Variants in IRAK3 observed in about 807,000 individuals in gnomAD.
IRAK3 encodes the protein interleukin 1 receptor associated kinase 3.
In IRAK3, 57 loss-of-function variants were observed where a neutral mutation model predicts 56.6. The observed-to-expected ratio is 1.01, with a 90% CI of 0.81 to 1.26. The LOEUF (loss-of-function observed/expected upper bound fraction) is 1.26. Among genes scored for constraint, IRAK3 ranks in the 50% most tolerant of loss-of-function variants. The pLI is 0.00. For missense variants in IRAK3, 703 were observed against 719.0 expected, an observed-to-expected ratio of 0.98 and a Z score of 0.25; for synonymous variants, 258 against 255.7, an observed-to-expected ratio of 1.01 and a Z score of -0.09.
At chr12:66,203,436 T>C (rs2052527721) in intron 1 of IRAK3, among the ~76,000 whole-genome samples, 1 of 152,110 alleles carries the variant, frequency 6.6e-6, no homozygotes, top group East Asian at 1.9e-4. Flanking sequence ...CTGGATAGGA[T>C]CTTAGAACAG....
intron 6 of IRAK3, among the ~76,000 whole-genome samples, chr12:66,226,168 T>C (rs1194906102): frequency 1.3e-5 from 2 of 152,168 alleles, no homozygotes; most frequent in Non-Finnish European, 2.9e-5. Context: ...TTTTCTGCCT[T>C]ATATTTGGAT....
In IRAK3 at chr12:66,209,527, T is replaced by C; in HGVS notation, c.381+7T>C. 1.3e-6 allele frequency: 2 copies of C among 1,511,394 alleles called. No homozygotes were observed. The allele number at this position is 1,511,394 out of a possible 1,614,324, so 93.6% of individuals were successfully genotyped here. The stretch of plus-strand genomic sequence containing the variant: ...TCCAAATATATTATTCAAGGTAGAG[T>C]ATGTGTGCATAGAAAATGAGCCTTG... On this transcript the variant is annotated splice_region_variant and intron_variant, in intron 3 of 11. Coordinates refer to ENST00000261233, the MANE Select transcript of IRAK3 (RefSeq NM_007199.3).
chr12:66,220,665 C>A (rs867782844), intron 6 of IRAK3, among the ~76,000 whole-genome samples: 1 of 149,980 alleles, frequency 6.7e-6, no homozygotes, highest in African/African-American at 2.4e-5. Context: ...GGACTACAGG[C>A]GCCCGCCACT....
intron 7 of IRAK3, 141 bp downstream of exon 7, chr12:66,226,978 ACTT>A: frequency 2.9e-6 from 2 of 687,188 alleles, no homozygotes; most frequent in Non-Finnish European, 5.3e-6. Flanking sequence ...AGGAAGCAGT[ACTT>A]CTTGGATTAA....
Position 66,250,833 on chromosome 12 carries a change from G to A in IRAK3, c.*2662G>A, listed in dbSNP as rs12315489. 6.6e-6 allele frequency: 1 copy of A among 152,116 alleles called. No individual in the cohort carries two copies. The highest frequency in any genetic ancestry group is 2.4e-5 in the African/African-American group (1 of 41,372). 9.4% of individuals were successfully genotyped at this position (152,116 alleles called of 1,614,324 possible). ...GCTGGTTAAAAACGCAGATTGCTGG[G>A]TCCACCCAGCTTCTGATGCAATAGG... On this transcript the variant is annotated 3_prime_UTR_variant, in exon 12 of 12. Transcript: ENST00000261233.
At position 66,210,217 on chromosome 12, in the gene IRAK3, T is replaced by C. The variant is rs760696992; in HGVS notation, c.436+16T>C. 1 of 1,532,196 alleles carries C rather than the reference T, an allele frequency of 6.5e-7. No individual in the cohort carries two copies. Among genetic ancestry groups the C allele is most frequent in the Admixed American group, 1.7e-5 (1 of 59,636 alleles). The allele number at this position is 1,532,196 out of a possible 1,614,324, so 94.9% of individuals were successfully genotyped here. A position where few individuals can be genotyped will look rare whatever the true frequency, so the allele number is the denominator to read the frequency against. On this transcript the variant is annotated intron_variant, in intron 4 of 11. Coordinates refer to ENST00000261233, the MANE Select transcript of IRAK3 (RefSeq NM_007199.3). ...AATGAAAAAGGTATGAAAAAACCAG[T>C]TTTTTTCCAACAATTTTTTTAAAAT... is the stretch of plus-strand genomic sequence containing the variant.
At chr12:66,209,427 G>GT in intron 2 of IRAK3, 29 bp from the exon 3 acceptor site, 1 of 1,473,408 alleles carries the variant, frequency 6.8e-7, no homozygotes, top group Non-Finnish European at 9.5e-7. Context: ...AAATTTTTTT[G>GT]TATCTACCTT....
intron 1 of IRAK3, among the ~76,000 whole-genome samples, chr12:66,192,322 A>G (rs1310736195): frequency 1.3e-5 from 2 of 152,248 alleles, no homozygotes; most frequent in African/African-American, 4.8e-5. Context: ...TAATCACAAG[A>G]TAATATATTC....
intron 5 of IRAK3, among the ~76,000 whole-genome samples, chr12:66,214,400 G>T (rs146014206): frequency 1.3e-5 from 2 of 152,014 alleles, no homozygotes; most frequent in African/African-American, 4.8e-5. Flanking sequence ...AAATAGCTGG[G>T]TGTGGTGGTG....
chr12:66,206,544 A>T (rs2052559845), intron 2 of IRAK3, among the ~76,000 whole-genome samples: 1 of 152,184 alleles, frequency 6.6e-6, no homozygotes, highest in Admixed American at 6.5e-5. Context: ...TCAGATATTA[A>T]ACAAATCTTG....
intron 8 of IRAK3, among the ~76,000 whole-genome samples, chr12:66,242,304 A>G (rs1349984344): frequency 6.6e-6 from 1 of 152,160 alleles, no homozygotes; most frequent in Non-Finnish European, 1.5e-5. Context: ...GGACTCTGAA[A>G]CCCTCAGGGC....
At chr12:66,207,672 C>G (rs573405865) in intron 2 of IRAK3, among the ~76,000 whole-genome samples, 2 of 152,146 alleles carry the variant, frequency 1.3e-5, no homozygotes, top group South Asian at 2.1e-4. Flanking sequence ...ATAAATTTCC[C>G]TCTAAGCATG....
chr12:66,241,864 C>G (rs1303687930), intron 8 of IRAK3, among the ~76,000 whole-genome samples: 2 of 152,328 alleles, frequency 1.3e-5, no homozygotes, highest in East Asian at 3.9e-4. Context: ...CAGAAGCTGA[C>G]TCACCATTTG....
chr12:66,199,611 C>G (rs2052487739), intron 1 of IRAK3, among the ~76,000 whole-genome samples: 1 of 152,232 alleles, frequency 6.6e-6, no homozygotes, highest in Admixed American at 6.5e-5. Flanking sequence ...GCCTTCCCTG[C>G]TGTTCTCATC....
At chr12:66,195,574 G>A (rs966280287) in intron 1 of IRAK3, among the ~76,000 whole-genome samples, 7 of 152,120 alleles carry the variant, frequency 4.6e-5, no homozygotes, top group Non-Finnish European at 8.8e-5. Flanking sequence ...CGCAAGGAAC[G>A]TTCTTCCTGC....
Position 66,248,069 on chromosome 12 carries a change from T to A in IRAK3, c.1689T>A (p.Pro563=). ...DLRPYKVNID[P]SSEAPGHSCR... The stretch of plus-strand genomic sequence containing the variant: ...GGCCCTATAAGGTAAATATAGATCC[T>A]TCTTCAGAAGCTCCAGGGCATTCTT... The change falls in exon 12 of 12, where the codon CCT becomes CCA. Residue 563 remains proline, a synonymous_variant. Transcript: ENST00000261233. 6.3e-7 allele frequency: 1 copy of A among 1,590,674 alleles called. No homozygotes were observed. The highest frequency in any genetic ancestry group is 1.4e-5 in the African/African-American group (1 of 73,578).
intron 1 of IRAK3, among the ~76,000 whole-genome samples, chr12:66,189,634 C>A (rs901648998): frequency 6.6e-6 from 1 of 152,152 alleles, no homozygotes; most frequent in Admixed American, 6.5e-5. Flanking sequence ...CCTTCTCTTT[C>A]AAAGAATTTT....
chr12:66,228,196 C>T, intron 7 of IRAK3, 56 bp from the exon 8 acceptor site: 2 of 1,162,332 alleles, frequency 1.7e-6, no homozygotes, highest in Non-Finnish European at 2.6e-6. Context: ...ATAATGAATA[C>T]ATAGGTAGTT....
rs758975397 is a variant in IRAK3, at chr12:66,244,633, C to T, written c.1035C>T (p.Tyr345=). 5.8e-5 allele frequency: 93 copies of T among 1,613,914 alleles called. No individual in the cohort carries two copies. The highest frequency in any genetic ancestry group is 7.0e-5 in the Non-Finnish European group (83 of 1,179,962). Residue 345 remains tyrosine (Y), a synonymous_variant, in exon 9 of 12, where the codon TAC becomes TAT. Coordinates refer to ENST00000261233, the MANE Select transcript of IRAK3 (RefSeq NM_007199.3). The part of the protein sequence containing the change: ...SKHLWYMPEE[Y]IRQGKLSIKT... Reference sequence around the variant, plus strand: ...ATCTGTGGTACATGCCAGAAGAGTACATCAGACAGGGGAAACTTTCCATTA... The same window carrying T: ...ATCTGTGGTACATGCCAGAAGAGTATATCAGACAGGGGAAACTTTCCATTA...
Sources: gnomAD v4.1 joint callset for allele counts (sites outside exome capture counted in the v4.1 genomes callset) on GRCh38, gnomAD v4.1.1 for gene constraint, MANE v1.5 for transcripts, NCBI Gene and HGNC (gene_info 2026-07-23, HGNC 2026-07-21) for gene names.